The following STK4 variants were observed in gnomAD, a reference collection of about 807,000 sequenced individuals.
STK4 encodes serine/threonine kinase 4.
STK4 carries 30 observed loss-of-function variants against 64.9 expected under a neutral mutation model. The observed-to-expected ratio is 0.46, with a 90% CI of 0.35 to 0.63. STK4 has a LOEUF of 0.63. Ranked by LOEUF, STK4 falls within the 20% of genes least tolerant of loss-of-function variation. The pLI is 0.01. For missense variants in STK4, 466 were observed against 598.5 expected (o/e 0.78, Z 2.31); for synonymous variants, 177 against 199.0 (o/e 0.89, Z 0.93).
intron 10 of STK4, among the ~76,000 whole-genome samples, chr20:45,025,933 G>C (rs866807876): frequency 5.9e-5 from 9 of 152,198 alleles, no homozygotes; most frequent in African/African-American, 2.2e-4. Flanking sequence ...AGGAAATGAC[G>C]CCATTCTTCC....
chr20:45,064,860 A>G (rs1215844464), intron 10 of STK4, among the ~76,000 whole-genome samples: 1 of 152,178 alleles, frequency 6.6e-6, no homozygotes, highest in African/African-American at 2.4e-5. Flanking sequence ...GGCAAAGTCT[A>G]TAGGGTTTTC....
chr20:45,030,536 G>A (rs1024949106), intron 10 of STK4, among the ~76,000 whole-genome samples: 1 of 152,188 alleles, frequency 6.6e-6, no homozygotes, highest in Admixed American at 6.5e-5. Flanking sequence ...ATGGCAAATA[G>A]GAAGTAATTT....
intron 9 of STK4, among the ~76,000 whole-genome samples, chr20:45,020,470 GTTTATGTTTA>G (rs1469195155): frequency 1.5e-4 from 8 of 54,206 alleles, no homozygotes; most frequent in African/African-American, 6.9e-4. Context: ...GTGTGTGTAT[GTTTATGTTTA>G]TGTTTATGTT....
At chr20:45,002,298 A>G (rs2067855970) in intron 9 of STK4, among the ~76,000 whole-genome samples, 1 of 152,204 alleles carries the variant, frequency 6.6e-6, no homozygotes, top group African/African-American at 2.4e-5. Flanking sequence ...TATTTAAAGA[A>G]TTAATTTTTT....
chr20:45,026,860 C>A (rs1471174232), intron 10 of STK4, among the ~76,000 whole-genome samples: 2 of 152,168 alleles, frequency 1.3e-5, no homozygotes, highest in African/African-American at 2.4e-5. Flanking sequence ...AATCAGGGTT[C>A]AGCTTCAGAA....
intron 9 of STK4, among the ~76,000 whole-genome samples, chr20:45,006,294 G>T (rs1314955931): frequency 6.9e-6 from 1 of 144,948 alleles, no homozygotes; most frequent in Admixed American, 7.0e-5. Flanking sequence ...CAGAAATGTG[G>T]TCTTGCTATG....
intron 1 of STK4, 66 bp downstream of exon 1, chr20:44,966,669 G>C (rs2067155590): frequency 7.9e-7 from 1 of 1,258,174 alleles, no homozygotes; most frequent in Non-Finnish European, 1.0e-6. Flanking sequence ...AACTGGTTGA[G>C]GGGATACACC....
intron 10 of STK4, chr20:45,053,282 G>A (rs1341073146): frequency 1.1e-6 from 1 of 948,980 alleles, no homozygotes; most frequent in African/African-American, 1.6e-5. Flanking sequence ...TTATTGAAAT[G>A]GCTTTGAGAG....
At chr20:45,044,269 C>T (rs190386822) in intron 10 of STK4, among the ~76,000 whole-genome samples, 3 of 152,314 alleles carry the variant, frequency 2.0e-5, no homozygotes, top group Admixed American at 2.0e-4. Context: ...TTCTTGAGTG[C>T]ACAATCTCCT....
At chr20:45,026,515 A>C (rs1373375527) in intron 10 of STK4, among the ~76,000 whole-genome samples, 1 of 152,134 alleles carries the variant, frequency 6.6e-6, no homozygotes, top group Non-Finnish European at 1.5e-5. Flanking sequence ...ACAACGAAGA[A>C]ACAGTCTGTT....
intron 1 of STK4, among the ~76,000 whole-genome samples, chr20:44,971,072 T>C (rs1193645189): frequency 1.5e-5 from 2 of 129,976 alleles, no homozygotes. Flanking sequence ...CAGGAAGCCA[T>C]TGTGTAGACT....
At chr20:44,973,275 A>G (rs2067282716) in intron 2 of STK4, 1 of 152,234 alleles carries the variant, frequency 6.6e-6, no homozygotes, top group Non-Finnish European at 1.5e-5. Flanking sequence ...CCTTGTAAAA[A>G]ACATGAGTCA....
intron 10 of STK4, among the ~76,000 whole-genome samples, chr20:45,042,889 T>A (rs6031950): frequency 0.52 from 77,858 of 150,182 alleles, 21,581 homozygotes; most frequent in African/African-American, 0.68. Context: ...CAGGATGTGC[T>A]GGTTTTTTAC....
At chr20:45,037,702 A>G (rs2068549375) in intron 10 of STK4, among the ~76,000 whole-genome samples, 1 of 152,120 alleles carries the variant, frequency 6.6e-6, no homozygotes, top group Non-Finnish European at 1.5e-5. Flanking sequence ...TATCTTAACC[A>G]TTCTCTCCTA....
chr20:44,967,490 C>T (rs906685536), intron 1 of STK4, among the ~76,000 whole-genome samples: 1 of 152,156 alleles, frequency 6.6e-6, no homozygotes. Context: ...AATCTCAACT[C>T]CTGGATTTCC....
chr20:45,047,835 G>A (rs1349364790), intron 10 of STK4, among the ~76,000 whole-genome samples: 2 of 152,154 alleles, frequency 1.3e-5, no homozygotes, highest in East Asian at 3.9e-4. Context: ...TTGGGAATCA[G>A]GTCTCAGCTC....
intron 10 of STK4, among the ~76,000 whole-genome samples, chr20:45,061,338 A>G (rs575282302): frequency 1.6e-3 from 239 of 152,274 alleles, no homozygotes; most frequent in African/African-American, 5.6e-3. Flanking sequence ...GTTACCCACA[A>G]CCACCGAATA....
At chr20:45,070,207 G>A (rs1047245118) in intron 10 of STK4, among the ~76,000 whole-genome samples, 1 of 152,198 alleles carries the variant, frequency 6.6e-6, no homozygotes, top group Non-Finnish European at 1.5e-5. Flanking sequence ...AGCCATATGA[G>A]GCCCATGTAG....
At chr20:45,004,935 AT>A (rs988774542) in intron 9 of STK4, among the ~76,000 whole-genome samples, 7 of 149,346 alleles carry the variant, frequency 4.7e-5, no homozygotes, top group African/African-American at 9.8e-5. Context: ...CACTCAGCCA[AT>A]TTTTTTTTGT....
Sources: allele counts gnomAD v4.1 joint callset (sites outside exome capture counted in the v4.1 genomes callset), GRCh38; gene constraint gnomAD v4.1.1; transcripts MANE v1.5; gene names NCBI Gene and HGNC (gene_info 2026-07-23, HGNC 2026-07-21).